Variants in GSG1L observed in about 807,000 individuals in gnomAD.
GSG1L encodes the protein GSG1 like.
Under a neutral mutation model 42.1 loss-of-function variants are expected in GSG1L, and 24 were observed. The ratio of observed to expected loss-of-function variants is 0.57; its 90% CI spans 0.41 to 0.80. The LOEUF is 0.80. Among genes scored for constraint, GSG1L ranks in the 30% least tolerant of loss-of-function variants. The pLI, the probability that GSG1L is intolerant of heterozygous loss-of-function variation, is 0.00. For missense variants in GSG1L, 445 were observed against 472.2 expected (o/e 0.94, Z 0.53); for synonymous variants, 215 against 203.5 (o/e 1.06, Z -0.48).
intron 2 of GSG1L, among the ~76,000 whole-genome samples, chr16:27,936,089 C>T (rs1036942336): frequency 6.6e-6 from 1 of 151,674 alleles, no homozygotes; most frequent in Non-Finnish European, 1.5e-5. Context: ...GCCTGCCTTT[C>T]AGGGCACTAA....
chr16:28,004,620 A>G (rs2141147932), intron 1 of GSG1L, among the ~76,000 whole-genome samples: 1 of 152,126 alleles, frequency 6.6e-6, no homozygotes, highest in Non-Finnish European at 1.5e-5. Context: ...TCTCTACAAA[A>G]AACAAAAATT....
chr16:27,791,605 G>T, intron 6 of GSG1L, 138 bp from the exon 7 acceptor site: 1 of 488,922 alleles, frequency 2.0e-6, no homozygotes, highest in Non-Finnish European at 3.4e-6. Flanking sequence ...TTTGTCTACC[G>T]ATCCATGCCC....
chr16:27,804,423 G>A (rs2082933162), intron 6 of GSG1L, among the ~76,000 whole-genome samples: 1 of 152,036 alleles, frequency 6.6e-6, no homozygotes, highest in Non-Finnish European at 1.5e-5. Context: ...TGACTCTGAA[G>A]GAGTGCCCCT....
intron 1 of GSG1L, among the ~76,000 whole-genome samples, chr16:28,025,286 G>A (rs1187444665): frequency 6.6e-6 from 1 of 152,146 alleles, no homozygotes; most frequent in Non-Finnish European, 1.5e-5. Context: ...ACTGGGCCTG[G>A]CCAGCAGCTA....
intron 1 of GSG1L, among the ~76,000 whole-genome samples, chr16:28,023,009 T>C (rs184232160): frequency 6.6e-6 from 1 of 152,018 alleles, no homozygotes; most frequent in South Asian, 2.1e-4. Flanking sequence ...TTAATATATA[T>C]AGAGAGATGA....
At chr16:28,010,830 G>A (rs183757242) in intron 1 of GSG1L, among the ~76,000 whole-genome samples, 7 of 152,236 alleles carry the variant, frequency 4.6e-5, no homozygotes, top group East Asian at 1.9e-4. Context: ...CCCACAGGAC[G>A]GTGATTGCAA....
chr16:27,985,983 C>T (rs1366799832), intron 1 of GSG1L, among the ~76,000 whole-genome samples: 1 of 152,150 alleles, frequency 6.6e-6, no homozygotes, highest in Admixed American at 6.5e-5. Context: ...GAAGGTTTCT[C>T]TGTGGTCTAA....
rs1257368265 is a variant in GSG1L, at chr16:28,018,389, C to A, written c.349+44687G>T. Among the ~76,000 whole-genome samples the A allele has an allele frequency of 2.0e-5, 3 of 152,236 alleles. No homozygotes were observed. In the East Asian group the frequency reaches 5.8e-4, roughly 29 times the overall value. On this transcript the variant is annotated intron_variant, in intron 1 of 6. Transcript: ENST00000447459. ...ATGGCTGCGGTAGCTCCAGACATCA[C>A]ATCCTTACCCAACCACTTCCAAATG...
chr16:27,931,446 C>T (rs1162850552), intron 2 of GSG1L, among the ~76,000 whole-genome samples: 1 of 152,206 alleles, frequency 6.6e-6, no homozygotes, highest in Admixed American at 6.5e-5. Context: ...GGAGCAAAAA[C>T]TCAAACCAGA....
chr16:27,963,448 C>T (rs974158820), intron 1 of GSG1L, among the ~76,000 whole-genome samples: 1 of 152,150 alleles, frequency 6.6e-6, no homozygotes, highest in African/African-American at 2.4e-5. Flanking sequence ...CGATAGCAAC[C>T]TTGTCCCTTT....
intron 3 of GSG1L, among the ~76,000 whole-genome samples, chr16:27,869,965 T>TTC (rs758579770): frequency 3.0e-5 from 3 of 100,032 alleles, no homozygotes; most frequent in East Asian, 3.5e-4. Context: ...CTCTCTCTCC[T>TTC]TCTCTCTCTC....
At chr16:27,967,089 AAC>A (rs1371730841) in intron 1 of GSG1L, among the ~76,000 whole-genome samples, 1 of 152,206 alleles carries the variant, frequency 6.6e-6, no homozygotes, top group Non-Finnish European at 1.5e-5. Flanking sequence ...TGCTGGTCCC[AAC>A]AAAGAGACAG....
rs1441658925 is a variant in GSG1L at position 28,040,245 on chromosome 16, C to A, written c.349+22831G>T. 6.6e-6 allele frequency among the ~76,000 whole-genome samples: 1 copy of A among 152,188 alleles called. No homozygotes were observed. Among genetic ancestry groups the A allele is most frequent in the Non-Finnish European group, 1.5e-5 (1 of 68,028 alleles). ...TCCCACCCGAGGGCCTTTTCACTTG[C>A]GATTGCCTCCGTCTGAGGCTCTTTC... On this transcript the variant is annotated intron_variant, in intron 1 of 6. Transcript: ENST00000447459. The surrounding 1 kb of genome is among the most constrained non-coding windows in gnomAD (Gnocchi z 4.1).
chr16:27,995,651 T>C (rs992486191), intron 1 of GSG1L, among the ~76,000 whole-genome samples: 15 of 152,094 alleles, frequency 9.9e-5, no homozygotes, highest in Admixed American at 7.9e-4. Flanking sequence ...CAGAAGAGAA[T>C]GGAGAGTGGA....
At chr16:27,853,529 G>A (rs1417614024) in intron 3 of GSG1L, among the ~76,000 whole-genome samples, 10 of 152,118 alleles carry the variant, frequency 6.6e-5, no homozygotes, top group Admixed American at 6.5e-4. Context: ...GAGCATTTTG[G>A]GGGGTCAGCA....
At chr16:27,942,920 C>A (rs761881882) in intron 2 of GSG1L, among the ~76,000 whole-genome samples, 38 of 152,180 alleles carry the variant, frequency 2.5e-4, no homozygotes, top group Non-Finnish European at 4.7e-4. Flanking sequence ...AGATGCGAAA[C>A]CAGTGGTTCT....
At chr16:27,804,684 A>G (rs4787987) in intron 6 of GSG1L, among the ~76,000 whole-genome samples, 27,479 of 102,010 alleles carry the variant, frequency 0.27, 4,113 homozygotes, top group African/African-American at 0.44. Flanking sequence ...TTCTTTCACA[A>G]GGAGATGCTG....
intron 5 of GSG1L, among the ~76,000 whole-genome samples, chr16:27,817,511 C>T (rs1355577445): frequency 6.6e-6 from 1 of 151,160 alleles, no homozygotes; most frequent in Non-Finnish European, 1.5e-5. Flanking sequence ...CTTTTTTAGA[C>T]ACGGGGTCTT....
In GSG1L at chr16:27,790,086, G is replaced by A. The variant is rs62637745; in HGVS notation, c.*1284C>T. On this transcript the variant is annotated 3_prime_UTR_variant, in exon 7 of 7. Coordinates refer to ENST00000447459, the MANE Select transcript of GSG1L (RefSeq NM_001109763.2). The stretch of plus-strand genomic sequence containing the variant: ...TGGATGAATGGATAGATGATGGATG[G>A]ATGGAAGGATGGATGAATGAATGAA... 16 of 152,092 alleles carry A rather than the reference G, an allele frequency of 1.1e-4. No individual in the cohort carries two copies. Among genetic ancestry groups the A allele is most frequent in the African/African-American group, 2.2e-4 (9 of 41,484 alleles). The allele number at this position is 152,092 out of a possible 1,614,324, so 9.4% of individuals were successfully genotyped here. A position where few individuals can be genotyped will look rare whatever the true frequency, so the allele number is the denominator to read the frequency against.
Sources: allele counts gnomAD v4.1 joint callset (sites outside exome capture counted in the v4.1 genomes callset), GRCh38; gene constraint gnomAD v4.1.1; non-coding constraint Gnocchi (gnomAD v3.1); transcripts MANE v1.5; gene names NCBI Gene and HGNC (gene_info 2026-07-23, HGNC 2026-07-21).